Variants in USP33 observed in about 807,000 individuals in gnomAD.
USP33 encodes ubiquitin specific peptidase 33.
Under a neutral mutation model 124.2 loss-of-function variants are expected in USP33, and 46 were observed. The ratio of observed to expected loss-of-function variants is 0.37; its 90% CI spans 0.29 to 0.47. The LOEUF (loss-of-function observed/expected upper bound fraction) is 0.47. Among genes scored for constraint, USP33 ranks in the 20% least tolerant of loss-of-function variants. The pLI, the probability that USP33 is intolerant of heterozygous loss-of-function variation, is 0.99. For missense variants in USP33, 851 were observed against 1,070.6 expected (o/e 0.79, Z 2.86); for synonymous variants, 350 against 352.3 (o/e 0.99, Z 0.07).
In USP33 at chr1:77,759,662, G is replaced by A. The variant is rs542542270; in HGVS notation, c.-71C>T. On this transcript the variant is annotated 5_prime_UTR_variant, in exon 1 of 24. Coordinates refer to ENST00000370794, the MANE Select transcript of USP33 (RefSeq NM_201624.3). Reference sequence around the variant, plus strand: ...GCTCACCTCCACGGCCTGGCCCGCGGGACCCGCCAGCTCGACCAACAACGG... The same window carrying A: ...GCTCACCTCCACGGCCTGGCCCGCGAGACCCGCCAGCTCGACCAACAACGG... 27 of 399,318 alleles carry A rather than the reference G, an allele frequency of 6.8e-5. No homozygotes were observed. The highest frequency in any genetic ancestry group is 1.0e-4 in the Non-Finnish European group (23 of 226,732). The allele number at this position is 399,318 out of a possible 1,614,324, so 24.7% of individuals were successfully genotyped here.
rs1214854235 is a variant in USP33 at position 77,711,917 on chromosome 1, G to A, written c.2298-62C>T. 6 of 1,461,462 alleles carry A rather than the reference G, an allele frequency of 4.1e-6. No individual in the cohort carries two copies. The Admixed American group carries it at 1.5e-4, about 35-fold the overall frequency. The allele number at this position is 1,461,462 out of a possible 1,614,324, so 90.5% of individuals were successfully genotyped here. Reference sequence around the variant, plus strand: ...AAGTTTGTTTCTAACATTTAAGTCAGTGGCCAAATACCCAGTAAAAATAAA... The same window carrying A: ...AAGTTTGTTTCTAACATTTAAGTCAATGGCCAAATACCCAGTAAAAATAAA... On this transcript the variant is annotated intron_variant, in intron 20 of 23. Transcript: ENST00000370794.
At chr1:77,714,175 G>C (rs998122397) in intron 19 of USP33, among the ~76,000 whole-genome samples, 2 of 152,106 alleles carry the variant, frequency 1.3e-5, no homozygotes, top group African/African-American at 4.8e-5. Context: ...AAAAAAGCCA[G>C]CTATTCATTT....
intron 21 of USP33, among the ~76,000 whole-genome samples, chr1:77,709,078 T>C (rs1674948158): frequency 6.6e-6 from 1 of 152,214 alleles, no homozygotes. Flanking sequence ...TTGTAATTAA[T>C]AAGTGTTTAA....
chr1:77,715,128 T>C (rs545455167), intron 18 of USP33, among the ~76,000 whole-genome samples: 1 of 152,226 alleles, frequency 6.6e-6, no homozygotes, highest in Non-Finnish European at 1.5e-5. Flanking sequence ...AGTAATACTT[T>C]CATTATTAGC....
intron 21 of USP33, among the ~76,000 whole-genome samples, chr1:77,705,195 T>C (rs1324631926): frequency 6.6e-6 from 1 of 151,586 alleles, no homozygotes; most frequent in Non-Finnish European, 1.5e-5. Flanking sequence ...GCACTTTTTA[T>C]TTTTTATTTT....
At chr1:77,758,175 CTTTTTTTTT>C (rs1185358841) in intron 1 of USP33, among the ~76,000 whole-genome samples, 4 of 94,284 alleles carry the variant, frequency 4.2e-5, no homozygotes, top group African/African-American at 1.8e-4. Context: ...TTGTACTGTC[CTTTTTTTTT>C]TTTTTTTTTT....
chr1:77,723,260 C>G (rs1676782059), intron 12 of USP33, 71 bp downstream of exon 12: 1 of 1,133,200 alleles, frequency 8.8e-7, no homozygotes, highest in African/African-American at 1.5e-5. Flanking sequence ...AAACTTTTCA[C>G]ATCATCTTGT....
At chr1:77,754,308 A>G (rs1680609980) in intron 1 of USP33, among the ~76,000 whole-genome samples, 1 of 152,238 alleles carries the variant, frequency 6.6e-6, no homozygotes, top group African/African-American at 2.4e-5. Context: ...ATTACACTTT[A>G]GCAAAAATAC....
In USP33 at chr1:77,741,373, C is replaced by T; in HGVS notation, c.135+3G>A. ...ATCTTTTCAGGAAAAAACATATACACACCTCCAGACATGCCCAAAGATTTG... is the reference window on the plus strand; with the variant it reads ...ATCTTTTCAGGAAAAAACATATACATACCTCCAGACATGCCCAAAGATTTG... On this transcript the variant is annotated splice_donor_region_variant and intron_variant, in intron 3 of 23. Coordinates refer to ENST00000370794, the MANE Select transcript of USP33 (RefSeq NM_201624.3). The T allele has an allele frequency of 1.2e-6, 2 of 1,600,436 alleles. No homozygotes were observed. The highest frequency in any genetic ancestry group is 8.5e-7 in the Non-Finnish European group (1 of 1,176,358).
chr1:77,727,344 C>T (rs1677287268), intron 10 of USP33, among the ~76,000 whole-genome samples: 2 of 152,110 alleles, frequency 1.3e-5, no homozygotes, highest in South Asian at 4.1e-4. Flanking sequence ...TGAGTATGTC[C>T]CTAATCAGGC....
intron 15 of USP33, chr1:77,720,537 G>A: frequency 1.0e-6 from 1 of 985,382 alleles, no homozygotes; most frequent in Non-Finnish European, 1.2e-6. Flanking sequence ...TTACTGCCAA[G>A]AACTAGAAGT....
At chr1:77,699,418 G>A (rs769069074) in intron 22 of USP33, among the ~76,000 whole-genome samples, 1 of 152,172 alleles carries the variant, frequency 6.6e-6, no homozygotes, top group Non-Finnish European at 1.5e-5. Flanking sequence ...TACTCAGGAC[G>A]CTGAGGCAGG....
At chr1:77,723,491 T>A in intron 11 of USP33, 48 bp from the exon 12 acceptor site, 1 of 1,253,184 alleles carries the variant, frequency 8.0e-7, no homozygotes. Context: ...TCCTTTAACA[T>A]TTTTCTCTGG....
At chr1:77,709,876 T>TACAC (rs1243171871) in intron 21 of USP33, among the ~76,000 whole-genome samples, 3 of 116,372 alleles carry the variant, frequency 2.6e-5, no homozygotes, top group Non-Finnish European at 5.1e-5. Flanking sequence ...TATACATGCA[T>TACAC]ACACATACAC....
chr1:77,710,709 T>C (rs1012049464), intron 21 of USP33, among the ~76,000 whole-genome samples: 1 of 152,220 alleles, frequency 6.6e-6, no homozygotes, highest in Non-Finnish European at 1.5e-5. Context: ...ACATCTTATT[T>C]TGATCTGCTC....
chr1:77,729,585 C>T (rs1489454465), intron 9 of USP33, among the ~76,000 whole-genome samples: 3 of 151,918 alleles, frequency 2.0e-5, no homozygotes, highest in African/African-American at 7.3e-5. Flanking sequence ...GCAGGAGAAT[C>T]GCTTGAATTC....
chr1:77,718,908 T>C (rs1162073253), intron 15 of USP33, among the ~76,000 whole-genome samples: 5 of 118,294 alleles, frequency 4.2e-5, no homozygotes, highest in Non-Finnish European at 8.3e-5. Flanking sequence ...CAGCCTGGGC[T>C]AGAGTGAGAC....
chr1:77,702,286 G>A (rs952198785), intron 21 of USP33, among the ~76,000 whole-genome samples: 1 of 151,388 alleles, frequency 6.6e-6, no homozygotes, highest in African/African-American at 2.4e-5. Flanking sequence ...TACATAAAAG[G>A]GGCATAAAGA....
Position 77,713,248 on chromosome 1 carries a change from T to C in USP33, c.2249A>G (p.Asp750Gly). The stretch of plus-strand genomic sequence containing the variant: ...GTTCTGAGGCAGCATCAAAACCAGG[T>C]CTTCAATATAACCAGCTTTTCTTGG... ...VPPRKAGYIEDLVLMLPQNIW... is the reference protein window; with the variant it reads ...VPPRKAGYIEGLVLMLPQNIW... The change falls in exon 20 of 24, where the codon GAC (aspartate) becomes GGC (glycine). Residue 750 changes from aspartate (D) to glycine (G), a missense_variant. Around this residue, in one of 4 missense-constraint regions of USP33, gnomAD observed 281 missense variants for 425.0 expected, o/e 0.66. Coordinates refer to ENST00000370794, the MANE Select transcript of USP33 (RefSeq NM_201624.3). The C allele has an allele frequency of 6.3e-7, 1 of 1,577,690 alleles. No individual in the cohort carries two copies. The highest frequency in any genetic ancestry group is 8.5e-7 in the Non-Finnish European group (1 of 1,169,756).
Sources: allele counts gnomAD v4.1 joint callset (sites outside exome capture counted in the v4.1 genomes callset), GRCh38; gene constraint gnomAD v4.1.1; regional missense constraint gnomAD v4.1.1; transcripts MANE v1.5; gene names NCBI Gene and HGNC (gene_info 2026-07-23, HGNC 2026-07-21).